SFPQ: variants seen among roughly 807,000 people sequenced by gnomAD.
SFPQ encodes splicing factor proline and glutamine rich.
A neutral mutation model predicts 72.9 loss-of-function variants in SFPQ; 11 were observed. The ratio of observed to expected loss-of-function variants is 0.15; its 90% CI spans 0.09 to 0.25. The LOEUF (loss-of-function observed/expected upper bound fraction) is 0.25, where lower values mean the gene tolerates loss of function less well. Among genes scored for constraint, SFPQ ranks in the 10% least tolerant of loss-of-function variants. The pLI is 1.00. For synonymous variants in SFPQ, 506 were observed against 367.3 expected (o/e 1.38, Z -4.32); for missense variants, 847 against 993.3 (o/e 0.85, Z 1.98).
chr1:35,189,177 T>TC lies in SFPQ; in HGVS notation c.1612+8dup. On this transcript the variant is annotated intron_variant, in intron 5 of 9. Transcript: ENST00000357214. ...CTTAGCAATGATGTTCACGCACAGG[T>TC]CTTTTTACCTTGGCGCAAAAGATTT... The TC allele has an allele frequency of 6.2e-7, 1 of 1,613,700 alleles. No individual in the cohort carries two copies. The highest frequency in any genetic ancestry group is 1.1e-5 in the South Asian group (1 of 91,060).
Position 35,192,964 on chromosome 1 carries a change from T to C in SFPQ, c.86A>G (p.His29Arg). The C allele has an allele frequency of 6.4e-7, 1 of 1,551,586 alleles. No individual in the cohort carries two copies. The highest frequency in any genetic ancestry group is 1.1e-5 in the South Asian group (1 of 88,830). The change falls in exon 1 of 10, where the codon CAC becomes CGC. Residue 29 changes from histidine (H) to arginine (R), a missense_variant. His to Arg is a conservative substitution (Grantham distance 29, BLOSUM62 0). This residue lies in a region of SFPQ where 498 missense variants were observed against 405.1 expected (regional missense o/e 1.23). Transcript: ENST00000357214. ...GCCGGGCGGCGGAGAACGGAAGTCG[T>C]GGAGGCCGCCGCGGCCGCCGCCTCC... ...RGGGGGRGGL[H>R]DFRSPPPGMG... is the part of the protein sequence containing the mutation.
chr1:35,179,808 A>T (rs917275418), downstream of SFPQ: 2 of 1,054,474 alleles, frequency 1.9e-6, no homozygotes, highest in African/African-American at 3.3e-5. Flanking sequence ...AATAGACCTG[A>T]GTTTTTATTT....
intron 9 of SFPQ, 86 bp from the exon 10 acceptor site, chr1:35,184,679 C>T: frequency 2.1e-6 from 3 of 1,425,012 alleles, no homozygotes; most frequent in Non-Finnish European, 9.2e-7. Context: ...CCGTAGTCAA[C>T]GTTCGTCGAT....
downstream of SFPQ, chr1:35,182,042 A>T: frequency 1.3e-5 from 13 of 985,332 alleles, no homozygotes; most frequent in Non-Finnish European, 1.6e-5. Context: ...CTTCAAAGGT[A>T]CAGTACTACC....
chr1:35,182,893 A>AG, downstream of SFPQ: 3 of 1,044,504 alleles, frequency 2.9e-6, no homozygotes, highest in Non-Finnish European at 3.5e-6. Flanking sequence ...TTCTAATGGA[A>AG]GGGGGTTCAA....
At position 35,183,783 on chromosome 1, in the gene SFPQ, C is replaced by CA. The variant is rs1639581522; in HGVS notation, c.*672dup. 9.5e-7 allele frequency: 1 copy of CA among 1,053,948 alleles called. No individual in the cohort carries two copies. Among genetic ancestry groups the CA allele is most frequent in the African/African-American group, 1.7e-5 (1 of 60,412 alleles). The allele number at this position is 1,053,948 out of a possible 1,614,324, so 65.3% of individuals were successfully genotyped here. A position where few individuals can be genotyped will look rare whatever the true frequency, so the allele number is the denominator to read the frequency against. ...CATAAAAGATCCATTTAATCAAACC[C>CA]ACTTTCACCCCCTACCAATTGTCTT... On this transcript the variant is annotated 3_prime_UTR_variant, in exon 10 of 10. Coordinates refer to ENST00000357214, the MANE Select transcript of SFPQ (RefSeq NM_005066.3).
downstream of SFPQ, chr1:35,179,222 C>A: frequency 2.8e-6 from 3 of 1,061,284 alleles, no homozygotes; most frequent in Non-Finnish European, 3.4e-6. Context: ...CATGTCACTG[C>A]AGCTGACAAT....
Position 35,184,274 on chromosome 1 carries a change from T to C in SFPQ, c.*182A>G. On this transcript the variant is annotated 3_prime_UTR_variant, in exon 10 of 10. Coordinates refer to ENST00000357214, the MANE Select transcript of SFPQ (RefSeq NM_005066.3). Reference sequence around the variant, plus strand: ...AGAAATAAAAAGGAAAAAAAAATTCTCCTGTTCCAAACACTGCATTACATA... The same window carrying C: ...AGAAATAAAAAGGAAAAAAAAATTCCCCTGTTCCAAACACTGCATTACATA... The C allele has an allele frequency of 7.3e-7, 1 of 1,371,546 alleles. No individual in the cohort carries two copies. Among genetic ancestry groups the C allele is most frequent in the Non-Finnish European group, 9.3e-7 (1 of 1,071,430 alleles). The allele number at this position is 1,371,546 out of a possible 1,614,324, so 85.0% of individuals were successfully genotyped here.
chr1:35,192,720 G>A lies in SFPQ; in HGVS notation c.330C>T (p.Val110=). The A allele has an allele frequency of 6.8e-7, 1 of 1,475,390 alleles. No homozygotes were observed. Among genetic ancestry groups the A allele is most frequent in the Non-Finnish European group, 8.9e-7 (1 of 1,120,284 alleles). The allele number at this position is 1,475,390 out of a possible 1,614,324, so 91.4% of individuals were successfully genotyped here. A position where few individuals can be genotyped will look rare whatever the true frequency, so the allele number is the denominator to read the frequency against. The change falls in exon 1 of 10, where the codon GTC becomes GTT. Residue 110 remains valine, a synonymous_variant. Coordinates refer to ENST00000357214, the MANE Select transcript of SFPQ (RefSeq NM_005066.3). ...PPPPQDSSKP[V]VAQGPGPAPG... ...GAGCGGGGCCGGGTCCCTGAGCAACGACGGGCTTGGAAGAGTCCTGCGGCG... is the reference window on the plus strand; with the variant it reads ...GAGCGGGGCCGGGTCCCTGAGCAACAACGGGCTTGGAAGAGTCCTGCGGCG...
intron 2 of SFPQ, 104 bp downstream of exon 2, chr1:35,191,237 C>G: frequency 2.0e-6 from 2 of 982,824 alleles, no homozygotes; most frequent in Non-Finnish European, 3.1e-6. Flanking sequence ...TCTAAAAGAT[C>G]AATTTATCCT....
chr1:35,183,474 C>A lies in SFPQ; in HGVS notation c.*982G>T. On this transcript the variant is annotated 3_prime_UTR_variant, in exon 10 of 10. Transcript: ENST00000357214. ...TCTCATGATTTGCCCACCTCAGCCT[C>A]CCAAAGTGCTGGGATTACAGGCGTG... is the stretch of plus-strand genomic sequence containing the variant. 1.3e-6 allele frequency: 1 copy of A among 764,702 alleles called. No individual in the cohort carries two copies. Among genetic ancestry groups the A allele is most frequent in the Non-Finnish European group, 1.6e-6 (1 of 621,106 alleles). 47.4% of individuals were successfully genotyped at this position (764,702 alleles called of 1,614,324 possible). A position where few individuals can be genotyped will look rare whatever the true frequency, so the allele number is the denominator to read the frequency against.
chr1:35,191,446 T>A lies in SFPQ; in HGVS notation c.912A>T (p.Leu304=). 1 of 1,614,124 alleles carries A rather than the reference T, an allele frequency of 6.2e-7. No individual in the cohort carries two copies. The highest frequency in any genetic ancestry group is 8.5e-7 in the Non-Finnish European group (1 of 1,179,984). ...TQRCRLFVGN[L]PADITEDEFK... ...ATTCATCCTCCGTGATATCAGCAGG[T>A]AGATTCCCAACAAACAACCGACATC... The change falls in exon 2 of 10, where the codon CTA becomes CTT. Residue 304 remains leucine, a synonymous_variant. Transcript: ENST00000357214.
rs535909008 is a variant in SFPQ, at chr1:35,184,259, A to G, written c.*197T>C. The G allele has an allele frequency of 2.2e-6, 3 of 1,353,386 alleles. No homozygotes were observed. Among genetic ancestry groups the G allele is most frequent in the Non-Finnish European group, 2.8e-6 (3 of 1,062,006 alleles). The allele number at this position is 1,353,386 out of a possible 1,614,324, so 83.8% of individuals were successfully genotyped here. ...AAAAAGAAAAAATAAAGAAATAAAA[A>G]GGAAAAAAAAATTCTCCTGTTCCAA... is the stretch of plus-strand genomic sequence containing the variant. On this transcript the variant is annotated 3_prime_UTR_variant, in exon 10 of 10. Transcript: ENST00000357214.
At chr1:35,181,584 C>G (rs772043050), downstream of SFPQ, 33 of 1,061,430 alleles carry the variant, frequency 3.1e-5, no homozygotes, top group East Asian at 8.2e-4. Flanking sequence ...ATTAAATACA[C>G]TGGGGTCTTA....
chr1:35,186,545 C>G (rs1570123632), intron 9 of SFPQ, among the ~76,000 whole-genome samples: 1 of 152,166 alleles, frequency 6.6e-6, no homozygotes, highest in Non-Finnish European at 1.5e-5. Context: ...AAATATAGGT[C>G]AAAGTCCTAC....
At chr1:35,176,714 CAAA>C (rs920889048) in intron 5 of SFPQ, among the ~76,000 whole-genome samples, 1 of 149,268 alleles carries the variant, frequency 6.7e-6, no homozygotes, top group Non-Finnish European at 1.5e-5. Flanking sequence ...CTAAAAAATA[CAAA>C]AAAAAATTAG....
chr1:35,179,176 C>T (rs1639366985), downstream of SFPQ: 17 of 1,060,390 alleles, frequency 1.6e-5, no homozygotes, highest in South Asian at 7.3e-4. Flanking sequence ...TGTCCAAAAT[C>T]ATTAAGTGAA....
intron 6 of SFPQ, among the ~76,000 whole-genome samples, chr1:35,188,635 C>T (rs1337547175): frequency 6.6e-6 from 1 of 152,178 alleles, no homozygotes; most frequent in Admixed American, 6.5e-5. Context: ...TGCCACTGCA[C>T]TTCAGCCTGG....
chr1:35,179,722 C>A, downstream of SFPQ: 5 of 1,057,314 alleles, frequency 4.7e-6, no homozygotes, highest in Non-Finnish European at 5.7e-6. Context: ...ATTAACCCCC[C>A]ACCCCAATAA....
Sources: gnomAD v4.1 joint callset for allele counts (sites outside exome capture counted in the v4.1 genomes callset) on GRCh38, gnomAD v4.1.1 for gene constraint, gnomAD v4.1.1 regional missense constraint, MANE v1.5 for transcripts, NCBI Gene and HGNC (gene_info 2026-07-23, HGNC 2026-07-21) for gene names.